Variants in VPS13A observed in about 807,000 individuals in gnomAD.
The protein encoded by VPS13A is vacuolar protein sorting 13 homolog A, also known as intermembrane lipid transfer protein VPS13A.
Under a neutral mutation model 390.9 loss-of-function variants are expected in VPS13A, and 264 were observed. The ratio of observed to expected loss-of-function variants is 0.68; its 90% confidence interval spans 0.61 to 0.75. VPS13A has a LOEUF of 0.75. Ranked by LOEUF, VPS13A falls within the 30% of genes least tolerant of loss-of-function variation. VPS13A has a pLI of 0.00. For missense variants in VPS13A, 3,409 were observed against 3,733.9 expected (o/e 0.91, Z 2.27); for synonymous variants, 1,231 against 1,227.1 (o/e 1.00, Z -0.07).
chr9:77,407,435 G>A (rs1834676204), intron 70 of VPS13A, 98 bp from the exon 71 acceptor site: 1 of 944,608 alleles, frequency 1.1e-6, no homozygotes, highest in Non-Finnish European at 1.7e-6. Context: ...GTATAAGAGG[G>A]ACACTTTAGG....
Position 77,351,358 on chromosome 9 carries a change from C to A in VPS13A, c.7331C>A (p.Ala2444Asp), listed in dbSNP as rs1281585008. The change falls in exon 53 of 72, where the codon GCC becomes GAC. Residue 2444 changes from alanine to aspartate, a missense_variant. This residue lies in a region of VPS13A where 2,717 missense variants were observed against 2,917.4 expected (regional missense o/e 0.93). Transcript: ENST00000360280. Reference protein sequence around the residue: ...EIEDSLPPGKAVFYTWADPVG... With the variant: ...EIEDSLPPGKDVFYTWADPVG... The stretch of plus-strand genomic sequence containing the variant: ...GAAGATTCCCTCCCTCCTGGTAAAG[C>A]CGTGTTTTATACATGGGCTGATCCG... 1 of 1,613,854 alleles carries A rather than the reference C, an allele frequency of 6.2e-7. No individual in the cohort carries two copies. Among genetic ancestry groups the A allele is most frequent in the South Asian group, 1.1e-5 (1 of 91,066 alleles).
chr9:77,262,938 G>A (rs1037518243), intron 23 of VPS13A, among the ~76,000 whole-genome samples: 1 of 151,972 alleles, frequency 6.6e-6, no homozygotes, highest in African/African-American at 2.4e-5. Context: ...TAATCCTTTG[G>A]GTATGTACCC....
At chr9:77,387,113 A>C (rs1478355734) in intron 68 of VPS13A, among the ~76,000 whole-genome samples, 7 of 148,840 alleles carry the variant, frequency 4.7e-5, no homozygotes, top group African/African-American at 1.7e-4. Context: ...TTGAAAAAAA[A>C]CTTGAATTTT....
Position 77,295,739 on chromosome 9 carries a change from A to G in VPS13A, c.3705A>G (p.Gly1235=), listed in dbSNP as rs1456980760. 1 of 1,613,990 alleles carries G rather than the reference A, an allele frequency of 6.2e-7. No individual in the cohort carries two copies. Among genetic ancestry groups the G allele is most frequent in the East Asian group, 2.2e-5 (1 of 44,846 alleles). Residue 1235 remains glycine (G), a synonymous_variant, in exon 33 of 72, where the codon GGA becomes GGG. Coordinates refer to ENST00000360280, the MANE Select transcript of VPS13A (RefSeq NM_033305.3). ...AAAATGTTTTTGTTGCTGATTTTGG[A>G]CTAATTACAATGACAAATACCTTTC... ...VSENVFVADF[G]LITMTNTFHM...
At chr9:77,391,138 A>T (rs1833881297) in intron 68 of VPS13A, among the ~76,000 whole-genome samples, 1 of 152,166 alleles carries the variant, frequency 6.6e-6, no homozygotes, top group Non-Finnish European at 1.5e-5. Flanking sequence ...CTAAATTCTG[A>T]TACAGGACTC....
rs902063056 is a variant in VPS13A, at chr9:77,363,902, C to T, written c.8212-1558C>T. 1.8e-4 allele frequency among the ~76,000 whole-genome samples: 27 copies of T among 152,262 alleles called. 1 individual carries two copies. Among genetic ancestry groups the T allele is most frequent in the South Asian group, 1.0e-3 (5 of 4,826 alleles). ...CCCTAAACCAGGCCTCTGAAGCTGG[C>T]GGTGGGAACAGTTGTGACACCCTTC... On this transcript the variant is annotated intron_variant, in intron 59 of 71. Transcript: ENST00000360280.
In VPS13A at chr9:77,188,690, T is replaced by C. The variant is rs113066515; in HGVS notation, c.100+10886T>C. Reference sequence around the variant, plus strand: ...TTAATTCTTTGGTAGTTCTTAGTTCTTAAATCTCCAGACTGCATTCCAAAG... The same window carrying C: ...TTAATTCTTTGGTAGTTCTTAGTTCCTAAATCTCCAGACTGCATTCCAAAG... On this transcript the variant is annotated intron_variant, in intron 1 of 71. Coordinates refer to ENST00000360280, the MANE Select transcript of VPS13A (RefSeq NM_033305.3). Among the ~76,000 whole-genome samples the C allele has an allele frequency of 4.4e-3, 664 of 152,306 alleles. 2 individuals are homozygous for C. The highest frequency in any genetic ancestry group is 6.8e-3 in the Middle Eastern group (2 of 294).
At chr9:77,361,176 A>G (rs183154486) in intron 59 of VPS13A, among the ~76,000 whole-genome samples, 64 of 152,262 alleles carry the variant, frequency 4.2e-4, no homozygotes, top group Non-Finnish European at 7.2e-4. Flanking sequence ...ATAGGGTTCA[A>G]TGACTTTTAA....
At chr9:77,366,248 T>C (rs985395576) in intron 60 of VPS13A, among the ~76,000 whole-genome samples, 1 of 152,042 alleles carries the variant, frequency 6.6e-6, no homozygotes, top group African/African-American at 2.4e-5. Context: ...CAAAATCATC[T>C]AACACAATGC....
chr9:77,360,399 T>C, intron 58 of VPS13A, 137 bp from the exon 59 acceptor site: 1 of 645,146 alleles, frequency 1.6e-6, no homozygotes, highest in Non-Finnish European at 2.7e-6. Context: ...GTTCCATGAT[T>C]TTTTAAAATT....
At chr9:77,344,427 G>A in intron 51 of VPS13A, 146 bp downstream of exon 51, 1 of 997,882 alleles carries the variant, frequency 1.0e-6, no homozygotes, top group Non-Finnish European at 1.5e-6. Context: ...TTTTGTAGAA[G>A]GAAACAGAGA....
intron 45 of VPS13A, among the ~76,000 whole-genome samples, chr9:77,326,293 A>G (rs1255936904): frequency 6.6e-6 from 1 of 152,010 alleles, no homozygotes; most frequent in Non-Finnish European, 1.5e-5. Flanking sequence ...GTGGATTTAT[A>G]GTTTTGATCA....
intron 46 of VPS13A, among the ~76,000 whole-genome samples, chr9:77,336,283 T>C (rs1830533286): frequency 6.6e-6 from 1 of 151,972 alleles, no homozygotes; most frequent in Admixed American, 6.6e-5. Flanking sequence ...AGCAAACCAC[T>C]ATGGCATGTG....
At chr9:77,204,768 G>A (rs762769828) in intron 3 of VPS13A, among the ~76,000 whole-genome samples, 27 of 152,024 alleles carry the variant, frequency 1.8e-4, no homozygotes, top group Non-Finnish European at 2.4e-4. Context: ...GGGACTACAG[G>A]CACATACTGT....
chr9:77,411,420 T>A (rs971787767), intron 71 of VPS13A, among the ~76,000 whole-genome samples: 1 of 151,860 alleles, frequency 6.6e-6, no homozygotes, highest in African/African-American at 2.4e-5. Context: ...TCCCAGCACT[T>A]TGGGAGGCCG....
chr9:77,337,072 C>T (rs1162985963), intron 46 of VPS13A, among the ~76,000 whole-genome samples, 183 bp from the exon 47 acceptor site: 3 of 152,006 alleles, frequency 2.0e-5, no homozygotes, highest in African/African-American at 4.8e-5. Context: ...GCTGGGATTA[C>T]AGGCATGAGC....
At chr9:77,180,856 C>T (rs769998313) in intron 1 of VPS13A, among the ~76,000 whole-genome samples, 13 of 152,096 alleles carry the variant, frequency 8.5e-5, no homozygotes, top group Non-Finnish European at 1.6e-4. Flanking sequence ...TAATGTGATC[C>T]CTCTAACTTT....
At position 77,205,677 on chromosome 9, in the gene VPS13A, T is replaced by C. The variant is rs7032408; in HGVS notation, c.283+269T>C. Among the ~76,000 whole-genome samples, 78,711 of 151,642 alleles carry C rather than the reference T, an allele frequency of 0.52. 20,646 individuals carry two copies. The highest frequency in any genetic ancestry group is 0.61 in the South Asian group (2,916 of 4,810). Reference sequence around the variant, plus strand: ...CACCATCTCAGCTCACTGCAACCTCTGCCTCCTGGGTTCAAGCGATTCTCC... The same window carrying C: ...CACCATCTCAGCTCACTGCAACCTCCGCCTCCTGGGTTCAAGCGATTCTCC... On this transcript the variant is annotated intron_variant, in intron 4 of 71. Coordinates refer to ENST00000360280, the MANE Select transcript of VPS13A (RefSeq NM_033305.3).
intron 45 of VPS13A, among the ~76,000 whole-genome samples, chr9:77,329,975 C>T (rs1830202656): frequency 6.6e-6 from 1 of 152,106 alleles, no homozygotes; most frequent in Non-Finnish European, 1.5e-5. Flanking sequence ...ATTGTTCCAG[C>T]AGGATAGCTT....
Sources: allele counts gnomAD v4.1 joint callset (sites outside exome capture counted in the v4.1 genomes callset), GRCh38; gene constraint gnomAD v4.1.1; regional missense constraint gnomAD v4.1.1; transcripts MANE v1.5; gene names NCBI Gene and HGNC (gene_info 2026-07-23, HGNC 2026-07-21).